Variants in AMBRA1 observed in about 807,000 individuals in gnomAD.
AMBRA1 encodes activating molecule in BECN1-regulated autophagy protein 1.
Under a neutral mutation model 125.4 loss-of-function variants are expected in AMBRA1, and 47 were observed. The observed-to-expected ratio is 0.37, with a 90% CI of 0.30 to 0.48. The LOEUF is 0.48. Ranked by LOEUF, AMBRA1 falls within the 20% of genes least tolerant of loss-of-function variation. The pLI is 0.99. For synonymous variants in AMBRA1, 626 were observed against 655.5 expected (o/e 0.95, Z 0.69); for missense variants, 1,331 against 1,693.4 (o/e 0.79, Z 3.76).
rs546368289 is a variant in AMBRA1 at position 46,420,931 on chromosome 11, T to C, written c.2977-2879A>G. Among the ~76,000 whole-genome samples the C allele has an allele frequency of 1.7e-4, 26 of 152,302 alleles. No individual in the cohort carries two copies. In the East Asian group the frequency reaches 5.0e-3, roughly 29 times the overall value. ...CAGATGCTTAAGTTGCTGTGCTGCG[T>C]TTTTTAAATGGGGGTCTGAAACAAA... is the stretch of plus-strand genomic sequence containing the variant. On this transcript the variant is annotated intron_variant, in intron 14 of 17. Transcript: ENST00000683756.
At chr11:46,454,797 T>C (rs1366107119) in intron 11 of AMBRA1, among the ~76,000 whole-genome samples, 1 of 150,902 alleles carries the variant, frequency 6.6e-6, no homozygotes, top group Admixed American at 6.6e-5. Flanking sequence ...TAACCTGATA[T>C]TCATTAAAGA....
intron 1 of AMBRA1, among the ~76,000 whole-genome samples, chr11:46,579,498 G>A (rs2044098074): frequency 1.3e-5 from 2 of 152,070 alleles, no homozygotes; most frequent in South Asian, 4.1e-4. Flanking sequence ...ATAAAAAGTA[G>A]ATAAACCCTT....
At chr11:46,577,717 G>A (rs545655694) in intron 1 of AMBRA1, among the ~76,000 whole-genome samples, 32 of 152,252 alleles carry the variant, frequency 2.1e-4, no homozygotes, top group African/African-American at 7.5e-4. Context: ...TTGGGAGGCC[G>A]AGGCGGGCAG....
chr11:46,429,527 C>A (rs1164803661), intron 14 of AMBRA1, among the ~76,000 whole-genome samples: 1 of 152,226 alleles, frequency 6.6e-6, no homozygotes, highest in Non-Finnish European at 1.5e-5. Context: ...GCTTCGTCCT[C>A]ATGTCCCTGA....
chr11:46,591,107 T>C (rs1194919806), intron 1 of AMBRA1: 2 of 152,136 alleles, frequency 1.3e-5, no homozygotes, highest in Non-Finnish European at 2.9e-5. Context: ...ATTCCTAAGA[T>C]TGCTTCATGA....
chr11:46,573,331 A>G (rs181721689), intron 1 of AMBRA1, among the ~76,000 whole-genome samples: 1,912 of 151,376 alleles, frequency 0.013, 44 homozygotes, highest in African/African-American at 0.044. Flanking sequence ...TGGAACCCGG[A>G]GGGCAGAGGT....
chr11:46,428,559 T>C, intron 14 of AMBRA1: 1 of 1,126,502 alleles, frequency 8.9e-7, no homozygotes, highest in Non-Finnish European at 1.3e-6. Context: ...GATTAGGCAA[T>C]GAGGATCTTT....
At chr11:46,592,648 C>T (rs2044644751) in intron 1 of AMBRA1, among the ~76,000 whole-genome samples, 1 of 152,102 alleles carries the variant, frequency 6.6e-6, no homozygotes, top group Middle Eastern at 3.4e-3. Flanking sequence ...CTTCCAGCTA[C>T]TCGGGAGTCT....
intron 4 of AMBRA1, 186 bp downstream of exon 4, chr11:46,546,927 C>A: frequency 2.0e-6 from 1 of 494,964 alleles, no homozygotes. Context: ...AAAAATGAGC[C>A]AGGCATGATG....
At position 46,410,333 on chromosome 11, in the gene AMBRA1, T is replaced by C; in HGVS notation, c.3152A>G (p.Gln1051Arg). ...GACAGTGAAGACCGTCTCGTTCAGCTGGTCCCAGTAGTACTCAACACCAGA... is the reference window on the plus strand; with the variant it reads ...GACAGTGAAGACCGTCTCGTTCAGCCGGTCCCAGTAGTACTCAACACCAGA... ...LNSGVEYYWDQLNETVFTVHS... is the reference protein window; with the variant it reads ...LNSGVEYYWDRLNETVFTVHS... Residue 1051 changes from glutamine (Q) to arginine (R), a missense_variant, in exon 16 of 18, where the codon CAG becomes CGG. Coordinates refer to ENST00000683756, the MANE Select transcript of AMBRA1 (RefSeq NM_001387011.1). The C allele has an allele frequency of 6.2e-7, 1 of 1,613,998 alleles. No homozygotes were observed.
chr11:46,592,492 G>C (rs1302300953), intron 1 of AMBRA1, among the ~76,000 whole-genome samples: 1 of 152,092 alleles, frequency 6.6e-6, no homozygotes, highest in Non-Finnish European at 1.5e-5. Context: ...CGGGCGCGGT[G>C]GATGCCTGTA....
intron 8 of AMBRA1, among the ~76,000 whole-genome samples, chr11:46,510,754 G>A (rs958297079): frequency 8.5e-5 from 13 of 152,074 alleles, no homozygotes; most frequent in Non-Finnish European, 1.6e-4. Flanking sequence ...TATGCAGAGG[G>A]AAGCTAAGGA....
At chr11:46,454,768 AAAAG>A (rs940061209) in intron 11 of AMBRA1, among the ~76,000 whole-genome samples, 11 of 151,968 alleles carry the variant, frequency 7.2e-5, no homozygotes, top group African/African-American at 2.7e-4. Flanking sequence ...TAAAAATAAA[AAAAG>A]AAAGAAAGAG....
Position 46,443,490 on chromosome 11 carries a change from T to C in AMBRA1, c.2630A>G (p.Asn877Ser). Residue 877 changes from asparagine (N) to serine (S), a missense_variant and splice_region_variant, in exon 12 of 18, where the codon AAT becomes AGT. By Grantham distance (46) the Asn-to-Ser change is conservative. Around this residue, in one of 4 missense-constraint regions of AMBRA1, gnomAD observed 354 missense variants for 532.7 expected, o/e 0.66. Transcript: ENST00000683756. ...ACCCCCATTTGACATTGACTTACCA[T>C]TACTGATTTCAGGGAGGTCAAACTT... ...FTKFDLPEISNASVNVLVQNC... is the reference protein window; with the variant it reads ...FTKFDLPEISSASVNVLVQNC... 6.2e-7 allele frequency: 1 copy of C among 1,613,096 alleles called. No homozygotes were observed. Among genetic ancestry groups the C allele is most frequent in the Non-Finnish European group, 8.5e-7 (1 of 1,179,044 alleles).
rs993985647 is a variant in AMBRA1 at position 46,585,038 on chromosome 11, C to T, written c.-121+8790G>A. Among the ~76,000 whole-genome samples the T allele has an allele frequency of 5.3e-5, 8 of 152,014 alleles. No individual in the cohort carries two copies. The East Asian group carries it at 1.2e-3, about 22-fold the overall frequency. On this transcript the variant is annotated intron_variant, in intron 1 of 17. Coordinates refer to ENST00000683756, the MANE Select transcript of AMBRA1 (RefSeq NM_001387011.1). Reference sequence around the variant, plus strand: ...TGAGATCACACCACTCACTGCACTCCAGCCTGGGCGACTGTGCTCTCTGTG... The same window carrying T: ...TGAGATCACACCACTCACTGCACTCTAGCCTGGGCGACTGTGCTCTCTGTG...
At chr11:46,478,307 G>T (rs1949905103) in intron 11 of AMBRA1, among the ~76,000 whole-genome samples, 1 of 152,172 alleles carries the variant, frequency 6.6e-6, no homozygotes, top group Admixed American at 6.5e-5. Flanking sequence ...AGGAGCTCTG[G>T]ATTATAAATG....
Position 46,542,230 on chromosome 11 carries a change from GC to G in AMBRA1, c.1786del (p.Ala596LeufsTer39). The stretch of plus-strand genomic sequence containing the variant: ...GCTGGGGACCTGCCAAGAGGAACTA[GC>G]CTCGCCAGAGGAGTAGTTAGGTGTG... ...RTTPNYSSGE[A>X]SSSWQVPSSF... On this transcript the variant is annotated frameshift_variant, in exon 7 of 18. Coordinates refer to ENST00000683756, the MANE Select transcript of AMBRA1 (RefSeq NM_001387011.1). LOFTEE classifies it high-confidence loss of function. This position sits in a 1 kb window ranked among gnomAD's most constrained non-coding sequence, Gnocchi z 5.9. 6.2e-7 allele frequency: 1 copy of G among 1,614,132 alleles called. No individual in the cohort carries two copies. The highest frequency in any genetic ancestry group is 8.5e-7 in the Non-Finnish European group (1 of 1,180,020).
At chr11:46,398,704 CTGATCTCG>C (rs1320574279) in intron 17 of AMBRA1, among the ~76,000 whole-genome samples, 1 of 152,162 alleles carries the variant, frequency 6.6e-6, no homozygotes, top group Non-Finnish European at 1.5e-5. Context: ...TCTTGATCTC[CTGATCTCG>C]TGATCTGCCC....
At chr11:46,500,692 CT>C (rs1391939095) in intron 9 of AMBRA1, among the ~76,000 whole-genome samples, 10 of 152,148 alleles carry the variant, frequency 6.6e-5, no homozygotes, top group African/African-American at 1.9e-4. Context: ...TGTAAATCTC[CT>C]GTCTCTACGC....
Sources: gnomAD v4.1 joint callset for allele counts (sites outside exome capture counted in the v4.1 genomes callset) on GRCh38, gnomAD v4.1.1 for gene constraint, gnomAD v4.1.1 regional missense constraint, Gnocchi (gnomAD v3.1) non-coding constraint, MANE v1.5 for transcripts, NCBI Gene and HGNC (gene_info 2026-07-23, HGNC 2026-07-21) for gene names.